Variants in PKNOX1 observed in about 807,000 individuals in gnomAD.
PKNOX1 encodes the protein PBX/knotted 1 homeobox 1, also known as homeobox protein PKNOX1.
In PKNOX1, 15 loss-of-function variants were observed where a neutral mutation model predicts 51.9. The observed-to-expected ratio is 0.29, with a 90% CI of 0.19 to 0.45. PKNOX1 has a LOEUF of 0.45. Ranked by LOEUF, PKNOX1 falls within the 20% of genes least tolerant of loss-of-function variation. PKNOX1 has a pLI of 1.00. For synonymous variants in PKNOX1, 219 were observed against 211.1 expected (o/e 1.04, Z -0.32); for missense variants, 462 against 547.5 (o/e 0.84, Z 1.56).
chr21:43,018,342 C>T, intron 7 of PKNOX1, 112 bp downstream of exon 7: 1 of 647,590 alleles, frequency 1.5e-6, no homozygotes. Flanking sequence ...TCTTGTGTAG[C>T]AATTTCTGGT....
intron 1 of PKNOX1, among the ~76,000 whole-genome samples, chr21:43,000,112 C>T (rs982185587): frequency 2.6e-5 from 4 of 152,114 alleles, no homozygotes; most frequent in African/African-American, 7.2e-5. Flanking sequence ...AGCCATTCAA[C>T]AAGTCTCTAG....
chr21:42,987,600 G>A (rs1253867082), intron 1 of PKNOX1, among the ~76,000 whole-genome samples: 1 of 145,294 alleles, frequency 6.9e-6, no homozygotes, highest in Non-Finnish European at 1.5e-5. Flanking sequence ...ATGGCCCTAG[G>A]GCTGAGAATG....
At chr21:43,001,004 G>C (rs965966217) in intron 1 of PKNOX1, among the ~76,000 whole-genome samples, 15 of 152,218 alleles carry the variant, frequency 9.9e-5, no homozygotes, top group Non-Finnish European at 1.8e-4. Flanking sequence ...CGCTGAATTA[G>C]AGCCACTGCA....
At chr21:43,006,863 G>A (rs527528599) in intron 2 of PKNOX1, among the ~76,000 whole-genome samples, 4 of 152,322 alleles carry the variant, frequency 2.6e-5, no homozygotes, top group Admixed American at 6.5e-5. Context: ...TTACTTTCAC[G>A]AAATTTTGTT....
At chr21:42,995,559 T>TATGGTGGCATGTGCC (rs1978463679) in intron 1 of PKNOX1, among the ~76,000 whole-genome samples, 1 of 128,896 alleles carries the variant, frequency 7.8e-6, no homozygotes, top group Admixed American at 7.9e-5. Context: ...GTGCCTATAG[T>TATGGTGGCATGTGCC]TCTAGCTACT....
intron 1 of PKNOX1, among the ~76,000 whole-genome samples, chr21:42,982,468 G>A (rs554597240): frequency 1.2e-3 from 182 of 152,204 alleles, no homozygotes; most frequent in African/African-American, 3.5e-3. Context: ...AGTGGTTCAC[G>A]CCTGTAATCC....
chr21:43,013,001 G>A (rs1979321897), intron 4 of PKNOX1, 67 bp from the exon 5 acceptor site: 6 of 1,299,372 alleles, frequency 4.6e-6, no homozygotes, highest in Middle Eastern at 1.9e-4. Flanking sequence ...GAACTGGTAT[G>A]TAGGATCATG....
intron 1 of PKNOX1, among the ~76,000 whole-genome samples, chr21:42,985,231 C>T (rs2059046198): frequency 6.6e-6 from 1 of 151,866 alleles, no homozygotes; most frequent in African/African-American, 2.4e-5. Flanking sequence ...AGGTGATCCA[C>T]CCTCCTCGGC....
At position 43,030,188 on chromosome 21, in the gene PKNOX1, T is replaced by C. The variant is rs958670027; in HGVS notation, c.*87T>C. On this transcript the variant is annotated 3_prime_UTR_variant, in exon 11 of 11. Transcript: ENST00000291547. ...ATTTCTAATATGTTTTATATGTAGA[T>C]ATAGAAGAGTGCACTTTTGTATTTC... 6.7e-5 allele frequency: 70 copies of C among 1,041,096 alleles called. No homozygotes were observed. The African/African-American group carries it at 1.0e-3, about 15-fold the overall frequency. The allele number at this position is 1,041,096 out of a possible 1,614,324, so 64.5% of individuals were successfully genotyped here.
At chr21:42,976,532 G>A in intron 1 of PKNOX1, among the ~76,000 whole-genome samples, 1 of 152,190 alleles carries the variant, frequency 6.6e-6, no homozygotes, top group East Asian at 1.9e-4. Context: ...TTCAAAGTTG[G>A]AGGCTATTCT....
intron 1 of PKNOX1, 38 bp from the exon 2 acceptor site, chr21:43,004,288 C>T: frequency 2.3e-6 from 2 of 852,374 alleles, no homozygotes; most frequent in South Asian, 1.4e-5. Flanking sequence ...AAATGCTCTA[C>T]AACTATTAAC....
intron 1 of PKNOX1, among the ~76,000 whole-genome samples, chr21:42,995,651 C>G (rs1978467584): frequency 6.6e-6 from 1 of 152,126 alleles, no homozygotes; most frequent in Admixed American, 6.6e-5. Flanking sequence ...GCATTCCAGC[C>G]TGGGAATAGA....
At chr21:42,985,057 G>A (rs1447451569) in intron 1 of PKNOX1, among the ~76,000 whole-genome samples, 3 of 138,572 alleles carry the variant, frequency 2.2e-5, no homozygotes, top group Non-Finnish European at 3.0e-5. Flanking sequence ...GCACGATCTC[G>A]GCTCACTGCA....
intron 1 of PKNOX1, among the ~76,000 whole-genome samples, chr21:42,979,107 C>T (rs118177389): frequency 2.9e-4 from 44 of 152,310 alleles, no homozygotes; most frequent in Non-Finnish European, 5.7e-4. Flanking sequence ...CATTATGTTG[C>T]CTCGGCTGTC....
At chr21:42,985,072 C>G (rs368338065) in intron 1 of PKNOX1, among the ~76,000 whole-genome samples, 20 of 130,732 alleles carry the variant, frequency 1.5e-4, no homozygotes, top group East Asian at 1.3e-3. Flanking sequence ...ACTGCAACCT[C>G]TGTCTCCCGG....
At chr21:43,026,627 C>T (rs1979993294) in intron 9 of PKNOX1, among the ~76,000 whole-genome samples, 1 of 152,114 alleles carries the variant, frequency 6.6e-6, no homozygotes, top group African/African-American at 2.4e-5. Context: ...TGTGGTGGTG[C>T]ACACCTGTAA....
intron 1 of PKNOX1, among the ~76,000 whole-genome samples, chr21:42,994,577 G>A (rs1301631990): frequency 6.6e-6 from 1 of 151,698 alleles, no homozygotes; most frequent in Non-Finnish European, 1.5e-5. Context: ...CAATCTGAGA[G>A]TAGAATCTTG....
At chr21:43,012,452 C>T (rs1416021624) in intron 4 of PKNOX1, among the ~76,000 whole-genome samples, 1 of 152,100 alleles carries the variant, frequency 6.6e-6, no homozygotes, top group Non-Finnish European at 1.5e-5. Context: ...CCCAGCTACT[C>T]AGGAGGCTGA....
intron 3 of PKNOX1, among the ~76,000 whole-genome samples, chr21:43,009,240 G>C (rs544938178): frequency 1.3e-5 from 2 of 151,952 alleles, no homozygotes; most frequent in Non-Finnish European, 2.9e-5. Flanking sequence ...CTGAGGTCAG[G>C]AGTTTGAGAC....
Sources: gnomAD v4.1 joint callset for allele counts (sites outside exome capture counted in the v4.1 genomes callset) on GRCh38, gnomAD v4.1.1 for gene constraint, MANE v1.5 for transcripts, NCBI Gene and HGNC (gene_info 2026-07-23, HGNC 2026-07-21) for gene names.